FRMD3: variants seen among roughly 807,000 people sequenced by gnomAD.
The protein encoded by FRMD3 is FERM domain-containing protein 3.
FRMD3 carries 33 observed loss-of-function variants against 70.2 expected under a neutral mutation model. That is an observed-to-expected ratio of 0.47 (90% CI 0.36 to 0.63). FRMD3 has a LOEUF of 0.63. Among genes scored for constraint, FRMD3 ranks in the 20% least tolerant of loss-of-function variants. FRMD3 has a pLI of 0.00. For synonymous variants in FRMD3, 279 were observed against 255.9 expected (o/e 1.09, Z -0.86); for missense variants, 632 against 711.4 (o/e 0.89, Z 1.27).
intron 5 of FRMD3, among the ~76,000 whole-genome samples, chr9:83,341,377 A>G (rs1344027913): frequency 6.6e-6 from 1 of 152,132 alleles, no homozygotes; most frequent in Non-Finnish European, 1.5e-5. Flanking sequence ...TTTATTTCAA[A>G]CAGAAAACAG....
Position 83,372,372 on chromosome 9 carries a change from A to G in FRMD3, c.295+541T>C, listed in dbSNP as rs1164865551. Among the ~76,000 whole-genome samples the G allele has an allele frequency of 3.4e-4, 46 of 133,496 alleles. 1 individual carries two copies. The highest frequency in any genetic ancestry group is 3.8e-3 in the Middle Eastern group (1 of 260). 87.6% of individuals were successfully genotyped at this position (133,496 alleles called of 152,430 possible). A position where few individuals can be genotyped will look rare whatever the true frequency, so the allele number is the denominator to read the frequency against. ...ACTGGTTAAAAAGAGAGAGAGACGA[A>G]AAAAAAAAAAAAAAGAAGTTCAGAA... On this transcript the variant is annotated intron_variant, in intron 3 of 13. Transcript: ENST00000304195.
intron 1 of FRMD3, among the ~76,000 whole-genome samples, chr9:83,473,360 T>TC (rs1448176502): frequency 6.6e-6 from 1 of 152,202 alleles, no homozygotes; most frequent in Admixed American, 6.5e-5. Flanking sequence ...ATGACTCCGG[T>TC]CCAGTCCTCC....
chr9:83,465,350 G>T (rs990959515), intron 1 of FRMD3, among the ~76,000 whole-genome samples: 3 of 152,160 alleles, frequency 2.0e-5, no homozygotes, highest in African/African-American at 7.2e-5. Flanking sequence ...AGAATTTTGG[G>T]AGGCCGAGGC....
chr9:83,358,934 G>A (rs993874867), intron 3 of FRMD3, among the ~76,000 whole-genome samples: 4 of 152,102 alleles, frequency 2.6e-5, no homozygotes, highest in South Asian at 4.2e-4. Context: ...TTCTCCAACT[G>A]TGACTCTAGA....
intron 6 of FRMD3, among the ~76,000 whole-genome samples, chr9:83,334,171 T>G (rs1276407210): frequency 1.3e-5 from 2 of 152,098 alleles, no homozygotes; most frequent in Non-Finnish European, 2.9e-5. Context: ...AATATCGAAC[T>G]TTATTTCTAC....
chr9:83,411,251 G>C (rs187847331), intron 1 of FRMD3, among the ~76,000 whole-genome samples: 1 of 152,196 alleles, frequency 6.6e-6, no homozygotes, highest in East Asian at 1.9e-4. Flanking sequence ...TAATATATTA[G>C]AAGTTCACCT....
intron 3 of FRMD3, among the ~76,000 whole-genome samples, chr9:83,359,697 G>A (rs903250068): frequency 6.6e-6 from 1 of 151,996 alleles, no homozygotes; most frequent in Non-Finnish European, 1.5e-5. Flanking sequence ...ATATCTTTTG[G>A]TTTTTTTCAA....
At chr9:83,556,679 T>C in the FRMD3 span, among the ~76,000 whole-genome samples, 12 of 152,146 alleles carry the variant, frequency 7.9e-5, no homozygotes, top group Non-Finnish European at 1.6e-4. Flanking sequence ...TAGATTCTTG[T>C]TAGAATTTAT....
chr9:83,266,979 G>A lies in FRMD3; in HGVS notation c.1196-18463C>T, dbSNP rs561061248. The stretch of plus-strand genomic sequence containing the variant: ...GAAGCTGGAAGCCCGCACACTTCAG[G>A]AACAGGATGACAGCCCAGGGCACCA... On this transcript the variant is annotated intron_variant, in intron 13 of 13. Coordinates refer to ENST00000304195, the MANE Select transcript of FRMD3 (RefSeq NM_174938.6). The A allele has an allele frequency of 3.9e-6, 6 of 1,546,598 alleles. No homozygotes were observed. The Admixed American group carries it at 1.2e-4, about 30-fold the overall frequency.
intron 13 of FRMD3, among the ~76,000 whole-genome samples, chr9:83,260,635 T>A (rs1832940969): frequency 6.6e-6 from 1 of 152,196 alleles, no homozygotes; most frequent in African/African-American, 2.4e-5. Flanking sequence ...TGTGATGGTA[T>A]CATAGCCACG....
intron 1 of FRMD3, among the ~76,000 whole-genome samples, chr9:83,493,688 C>A (rs1226056585): frequency 6.6e-6 from 1 of 152,222 alleles, no homozygotes. Flanking sequence ...AGGGATATGA[C>A]AGGCAGCAGT....
chr9:83,431,159 A>G (rs561078049), intron 1 of FRMD3, among the ~76,000 whole-genome samples: 51 of 152,324 alleles, frequency 3.3e-4, no homozygotes, highest in African/African-American at 1.1e-3. Context: ...GCTTCTTGGG[A>G]ATGTCCAATA....
At chr9:83,538,937 TA>T (rs1829962824), upstream of FRMD3, among the ~76,000 whole-genome samples, 1 of 152,350 alleles carries the variant, frequency 6.6e-6, no homozygotes, top group Non-Finnish European at 1.5e-5. This position sits in a 1 kb window ranked among gnomAD's most constrained non-coding sequence, Gnocchi z 4.7. Flanking sequence ...GGAATATCGC[TA>T]ATAGTAAAAA....
intron 13 of FRMD3, among the ~76,000 whole-genome samples, chr9:83,280,456 T>C (rs567914191): frequency 6.6e-6 from 1 of 152,330 alleles, no homozygotes; most frequent in East Asian, 1.9e-4. Flanking sequence ...CTCACCCTGG[T>C]TTACCAGAGT....
At chr9:83,433,206 T>C (rs1424469984) in intron 1 of FRMD3, among the ~76,000 whole-genome samples, 2 of 152,160 alleles carry the variant, frequency 1.3e-5, no homozygotes, top group Non-Finnish European at 2.9e-5. Flanking sequence ...GTTTCCTTAT[T>C]ATAAAAAAAT....
At chr9:83,427,885 T>C (rs995570632) in intron 1 of FRMD3, among the ~76,000 whole-genome samples, 14 of 152,274 alleles carry the variant, frequency 9.2e-5, no homozygotes, top group African/African-American at 3.4e-4. Flanking sequence ...CTTTTTAAAG[T>C]CTGACATTTC....
Position 83,349,757 on chromosome 9 carries a change from G to T in FRMD3, c.296C>A (p.Thr99Asn). 1 of 1,606,926 alleles carries T rather than the reference G, an allele frequency of 6.2e-7. No homozygotes were observed. The highest frequency in any genetic ancestry group is 8.5e-7 in the Non-Finnish European group (1 of 1,174,550). ...AAAGCACATGGTGTATGGTGGATGA[G>T]CTGAAACATCATAAAGAAAAGGCAT... ...PNKSIFKQMK[T>N]HPPYTMCFRV... Residue 99 changes from threonine (T) to asparagine (N), a missense_variant and splice_region_variant, in exon 4 of 14, where the codon ACT (threonine) becomes AAT (asparagine). Transcript: ENST00000304195.
At chr9:83,457,192 A>T (rs1827843007) in intron 1 of FRMD3, among the ~76,000 whole-genome samples, 1 of 152,208 alleles carries the variant, frequency 6.6e-6, no homozygotes, top group Admixed American at 6.5e-5. Context: ...GTTGACACGC[A>T]TACACACTTT....
the FRMD3 span, among the ~76,000 whole-genome samples, chr9:83,562,887 C>A: frequency 3.4e-5 from 5 of 149,146 alleles, no homozygotes; most frequent in Non-Finnish European, 7.4e-5. Context: ...GTTGTATGGC[C>A]AATGCCCCCC....
Sources: gnomAD v4.1 joint callset for allele counts (sites outside exome capture counted in the v4.1 genomes callset) on GRCh38, gnomAD v4.1.1 for gene constraint, Gnocchi (gnomAD v3.1) non-coding constraint, MANE v1.5 for transcripts, NCBI Gene and HGNC (gene_info 2026-07-23, HGNC 2026-07-21) for gene names.